PTPRG: variants seen among roughly 807,000 people sequenced by gnomAD.
PTPRG encodes the protein receptor-type tyrosine-protein phosphatase gamma.
A neutral mutation model predicts 165.3 loss-of-function variants in PTPRG; 102 were observed. The observed-to-expected ratio is 0.62, with a 90% CI of 0.53 to 0.73. PTPRG has a LOEUF of 0.73. PTPRG is among the 30% of genes least tolerant of loss of function. The probability of loss-of-function intolerance (pLI) is 0.00; values close to 1 mark genes in which losing one functional copy is unlikely to be tolerated. For missense variants in PTPRG, 1,866 were observed against 1,861.4 expected (o/e 1.00, Z -0.05); for synonymous variants, 675 against 669.5 (o/e 1.01, Z -0.13).
intron 4 of PTPRG, among the ~76,000 whole-genome samples, chr3:62,046,977 C>T (rs1446608072): frequency 6.6e-6 from 1 of 152,122 alleles, no homozygotes; most frequent in Non-Finnish European, 1.5e-5. Flanking sequence ...ATATTACCAT[C>T]CTGTATTATG....
chr3:61,795,613 C>CT (rs2035018539), intron 2 of PTPRG, among the ~76,000 whole-genome samples: 1 of 81,060 alleles, frequency 1.2e-5, no homozygotes, highest in Admixed American at 1.7e-4. Context: ...GCACTCCAGC[C>CT]TGGGTGACAG....
intron 2 of PTPRG, among the ~76,000 whole-genome samples, chr3:61,899,325 A>G (rs1012964054): frequency 2.0e-5 from 3 of 152,140 alleles, no homozygotes; most frequent in Non-Finnish European, 4.4e-5. Context: ...GAAAAATAGG[A>G]GGTGGTTTTG....
At chr3:61,631,397 C>T (rs189697858) in intron 1 of PTPRG, among the ~76,000 whole-genome samples, 28 of 152,322 alleles carry the variant, frequency 1.8e-4, no homozygotes, top group African/African-American at 6.7e-4. Context: ...GAGACCAAAA[C>T]TATATTCACA....
chr3:61,826,831 G>GTTT (rs71629146), intron 2 of PTPRG, among the ~76,000 whole-genome samples: 2 of 133,466 alleles, frequency 1.5e-5, no homozygotes, highest in African/African-American at 2.7e-5. Context: ...AAATGGAAAG[G>GTTT]TTTTTTTTTT....
In PTPRG at chr3:61,562,788, C is replaced by T. The variant is rs111694959; in HGVS notation, c.85+416C>T. ...TTGGGGGGCCCGGGATGAGCCCCCT[C>T]GCTCTGGCGGGTATTGAAGGAACTC... On this transcript the variant is annotated intron_variant, in intron 1 of 29. Transcript: ENST00000474889. 5.3e-5 allele frequency among the ~76,000 whole-genome samples: 8 copies of T among 152,248 alleles called. No individual in the cohort carries two copies. The South Asian group carries it at 6.2e-4, about 12-fold the overall frequency.
At chr3:62,120,698 C>T (rs554270343) in intron 5 of PTPRG, among the ~76,000 whole-genome samples, 16 of 149,930 alleles carry the variant, frequency 1.1e-4, no homozygotes, top group Admixed American at 7.3e-4. Context: ...TGTAGTGAGC[C>T]GAGATAGTGC....
At chr3:61,794,437 G>A (rs1160471153) in intron 2 of PTPRG, among the ~76,000 whole-genome samples, 1 of 152,050 alleles carries the variant, frequency 6.6e-6, no homozygotes, top group Non-Finnish European at 1.5e-5. Flanking sequence ...CAAAAATCTG[G>A]TCCCTATGTA....
intron 2 of PTPRG, among the ~76,000 whole-genome samples, chr3:61,860,500 G>A (rs1303387394): frequency 7.2e-6 from 1 of 138,686 alleles, no homozygotes; most frequent in Non-Finnish European, 1.5e-5. Context: ...GAGTGCACTG[G>A]CACAATCTTG....
chr3:62,003,352 C>A lies in PTPRG; in HGVS notation c.374C>A (p.Ala125Asp), dbSNP rs773413749. 2 of 1,613,524 alleles carry A rather than the reference C, an allele frequency of 1.2e-6. No individual in the cohort carries two copies. The highest frequency in any genetic ancestry group is 4.5e-5 in the East Asian group (2 of 44,866). Reference protein sequence around the residue: ...TWMKNTGKTVAILLKDDYFVS... With the variant: ...TWMKNTGKTVDILLKDDYFVS... ...TCTTCTCATTTGTTTCACACAGTCG[C>A]CATCCTTCTGAAAGACGACTATTTT... Residue 125 changes from alanine to aspartate, a missense_variant, in exon 4 of 30, where the codon GCC becomes GAC. Transcript: ENST00000474889.
intron 1 of PTPRG, among the ~76,000 whole-genome samples, chr3:61,644,015 C>G (rs67188723): frequency 6.6e-6 from 1 of 152,206 alleles, no homozygotes; most frequent in Admixed American, 6.5e-5. Flanking sequence ...AGCCCCTACC[C>G]TAACAGAGAC....
intron 2 of PTPRG, among the ~76,000 whole-genome samples, chr3:61,936,174 C>T (rs190205619): frequency 3.3e-5 from 5 of 152,332 alleles, no homozygotes; most frequent in Admixed American, 6.5e-5. Flanking sequence ...TGACTTTGGA[C>T]GTCCCATCTT....
intron 5 of PTPRG, among the ~76,000 whole-genome samples, chr3:62,082,957 G>A (rs1701629304): frequency 1.3e-5 from 2 of 152,140 alleles, no homozygotes; most frequent in Admixed American, 6.5e-5. Context: ...CTTTGGGTTT[G>A]TTCCCTATCG....
intron 2 of PTPRG, among the ~76,000 whole-genome samples, chr3:61,960,225 G>T (rs2040120562): frequency 6.6e-6 from 1 of 151,860 alleles, no homozygotes. Flanking sequence ...GTTCATCTTG[G>T]ATCTCGGTGC....
In PTPRG at chr3:62,124,722, A is replaced by G. The variant is rs546486948; in HGVS notation, c.616-7880A>G. Reference sequence around the variant, plus strand: ...GGCACCGGACTTGGCTCAGAATCACACTGGCTAATTTTTAAAATTCTTTTC... The same window carrying G: ...GGCACCGGACTTGGCTCAGAATCACGCTGGCTAATTTTTAAAATTCTTTTC... On this transcript the variant is annotated intron_variant, in intron 5 of 29. Coordinates refer to ENST00000474889, the MANE Select transcript of PTPRG (RefSeq NM_002841.4). The G allele has an allele frequency of 8.4e-5, 46 of 545,032 alleles. No individual in the cohort carries two copies. The South Asian group carries it at 1.0e-3, about 12-fold the overall frequency. The allele number at this position is 545,032 out of a possible 1,614,324, so 33.8% of individuals were successfully genotyped here.
chr3:61,600,188 ATATATGTGTGTG>A (rs1418343986), intron 1 of PTPRG, among the ~76,000 whole-genome samples: 3 of 133,278 alleles, frequency 2.3e-5, no homozygotes, highest in Non-Finnish European at 4.8e-5. Flanking sequence ...ATATATATAT[ATATATGTGTGTG>A]TGTGTGTGTG....
chr3:61,650,842 G>C (rs558617167), intron 1 of PTPRG, among the ~76,000 whole-genome samples: 2 of 152,188 alleles, frequency 1.3e-5, no homozygotes, highest in African/African-American at 4.8e-5. Flanking sequence ...TTTTACCACT[G>C]TTTGGTTTTA....
intron 13 of PTPRG, among the ~76,000 whole-genome samples, chr3:62,223,163 G>A (rs1179902441): frequency 1.3e-5 from 2 of 152,112 alleles, no homozygotes; most frequent in South Asian, 2.1e-4. Flanking sequence ...GGGCCTCATC[G>A]AAGGGAGATG....
At chr3:61,841,322 G>A (rs1197408090) in intron 2 of PTPRG, among the ~76,000 whole-genome samples, 1 of 152,146 alleles carries the variant, frequency 6.6e-6, no homozygotes, top group African/African-American at 2.4e-5. Context: ...TTAAAGCGAG[G>A]CGGCCAGGTG....
rs1432604671 is a variant in PTPRG, at chr3:62,294,501, A to AAGAG, written c.*1195_*1198dup. The AAGAG allele has an allele frequency of 1.3e-5, 2 of 152,142 alleles. No homozygotes were observed. The highest frequency in any genetic ancestry group is 2.4e-5 in the African/African-American group (1 of 41,444). 9.4% of individuals were successfully genotyped at this position (152,142 alleles called of 1,614,324 possible). On this transcript the variant is annotated 3_prime_UTR_variant, in exon 30 of 30. Transcript: ENST00000474889. ...GATACCCACATTTTCAAGTTTTTAA[A>AAGAG]AGAGGGAGATGGCTTTGTATGCTTT... is the stretch of plus-strand genomic sequence containing the variant.
Sources: gnomAD v4.1 joint callset for allele counts (sites outside exome capture counted in the v4.1 genomes callset) on GRCh38, gnomAD v4.1.1 for gene constraint, MANE v1.5 for transcripts, NCBI Gene and HGNC (gene_info 2026-07-23, HGNC 2026-07-21) for gene names.